CYFIP1: variants seen among roughly 807,000 people sequenced by gnomAD.
CYFIP1 encodes cytoplasmic FMR1 interacting protein 1.
Under a neutral mutation model 163.5 loss-of-function variants are expected in CYFIP1, and 58 were observed. The ratio of observed to expected loss-of-function variants is 0.35; its 90% CI spans 0.29 to 0.44. The LOEUF (loss-of-function observed/expected upper bound fraction) is 0.44. CYFIP1 is among the 20% of genes least tolerant of loss of function. The probability of loss-of-function intolerance (pLI) is 1.00; values close to 1 mark genes in which losing one functional copy is unlikely to be tolerated. For missense variants in CYFIP1, 1,338 were observed against 1,653.8 expected, an observed-to-expected ratio of 0.81 and a Z score of 3.31; for synonymous variants, 663 against 660.7, an observed-to-expected ratio of 1.00 and a Z score of -0.05.
chr15:22,970,423 T>G (rs1204619365), intron 1 of CYFIP1, among the ~76,000 whole-genome samples: 2 of 152,208 alleles, frequency 1.3e-5, no homozygotes, highest in Non-Finnish European at 2.9e-5. Flanking sequence ...CAGCACTTTG[T>G]TTTTGCAAAA....
At chr15:22,952,426 C>A (rs546765212) in intron 1 of CYFIP1, among the ~76,000 whole-genome samples, 1 of 151,986 alleles carries the variant, frequency 6.6e-6, no homozygotes, top group Admixed American at 6.6e-5. Flanking sequence ...GAGGCCGAGG[C>A]GGGCGAATCA....
intron 18 of CYFIP1, among the ~76,000 whole-genome samples, chr15:22,911,204 G>A (rs1314369012): frequency 6.6e-6 from 1 of 152,168 alleles, no homozygotes; most frequent in East Asian, 2.0e-4. Flanking sequence ...AAAGAAACTA[G>A]CAATAATCTT....
chr15:22,913,600 A>G (rs1480828991), intron 17 of CYFIP1, among the ~76,000 whole-genome samples: 1 of 129,236 alleles, frequency 7.7e-6, no homozygotes, highest in Non-Finnish European at 1.6e-5. Flanking sequence ...GTACATAGAC[A>G]GCATTAAAAA....
At chr15:22,958,097 CTT>C (rs57822590) in intron 1 of CYFIP1, among the ~76,000 whole-genome samples, 31 of 141,250 alleles carry the variant, frequency 2.2e-4, no homozygotes, top group Admixed American at 2.9e-4. Context: ...AAGTAATTTG[CTT>C]TTTTTTTTTT....
chr15:22,952,904 G>A (rs1387571905), intron 1 of CYFIP1, among the ~76,000 whole-genome samples: 3 of 152,148 alleles, frequency 2.0e-5, no homozygotes, highest in Non-Finnish European at 4.4e-5. Flanking sequence ...AGCACCGTGC[G>A]GAGTGCTGGC....
At chr15:22,968,089 T>C (rs550779725) in intron 1 of CYFIP1, among the ~76,000 whole-genome samples, 2 of 152,134 alleles carry the variant, frequency 1.3e-5, no homozygotes, top group Admixed American at 6.5e-5. Flanking sequence ...TGAGCCAAGA[T>C]AGCGCCACTG....
At position 22,901,128 on chromosome 15, in the gene CYFIP1, G is replaced by A. The variant is rs188849613; in HGVS notation, c.2588+2578C>T. 3.2e-3 allele frequency among the ~76,000 whole-genome samples: 490 copies of A among 151,698 alleles called. 8 individuals are homozygous for A. Among genetic ancestry groups the A allele is most frequent in the African/African-American group, 9.9e-3 (408 of 41,338 alleles). On this transcript the variant is annotated intron_variant, in intron 22 of 30. Transcript: ENST00000617928. ...TGAGGCAGGAGAATCGCTTGAACTC[G>A]GAAGGCAGAGGCTGCAATGAGCCAA... is the stretch of plus-strand genomic sequence containing the variant.
chr15:22,932,736 G>C (rs577167263), intron 10 of CYFIP1, among the ~76,000 whole-genome samples: 1 of 152,306 alleles, frequency 6.6e-6, no homozygotes, highest in African/African-American at 2.4e-5. Context: ...GAACTGTGCT[G>C]AGGATCTTTA....
chr15:22,921,553 C>T (rs1017401038), intron 13 of CYFIP1, among the ~76,000 whole-genome samples: 7 of 151,608 alleles, frequency 4.6e-5, no homozygotes, highest in Non-Finnish European at 7.4e-5. Context: ...CAGTAGCTCA[C>T]GCCTGTAATC....
In CYFIP1 at chr15:22,914,421, TTC is replaced by T. The variant is rs2060899614; in HGVS notation, c.1985+303_1985+304del. ...AAAGCTTTACCCCAGGAAACATGAT[TTC>T]TCTTTTTTTTTTTTTTATTTGGAGA... On this transcript the variant is annotated intron_variant, in intron 17 of 30. Coordinates refer to ENST00000617928, the MANE Select transcript of CYFIP1 (RefSeq NM_014608.6). Among the ~76,000 whole-genome samples, 6 of 150,392 alleles carry T rather than the reference TTC, an allele frequency of 4.0e-5. No individual in the cohort carries two copies. In the South Asian group the frequency reaches 6.4e-4, roughly 16 times the overall value.
rs762184515 is a variant in CYFIP1 at position 22,892,902 on chromosome 15, C to A, written c.2664G>T (p.Leu888=). The A allele has an allele frequency of 6.2e-7, 1 of 1,612,152 alleles. No individual in the cohort carries two copies. Among genetic ancestry groups the A allele is most frequent in the Admixed American group, 1.7e-5 (1 of 59,996 alleles). The change falls in exon 23 of 31, where the codon CTG becomes CTT. Residue 888 remains leucine, a synonymous_variant. Transcript: ENST00000617928. Reference sequence around the variant, plus strand: ...CATTGGAGCCTACCTTGGATCCATGCAGATACTGAGGCTGTGCATTAGGCT... The same window carrying A: ...CATTGGAGCCTACCTTGGATCCATGAAGATACTGAGGCTGTGCATTAGGCT... The part of the protein sequence containing the change: ...DKQPNAQPQY[L]HGSKALNLAY...
At chr15:22,959,443 G>A (rs568313239) in intron 1 of CYFIP1, among the ~76,000 whole-genome samples, 11 of 152,324 alleles carry the variant, frequency 7.2e-5, no homozygotes, top group African/African-American at 2.6e-4. Flanking sequence ...CACAGATGCC[G>A]ACACTGAGCC....
chr15:22,962,590 G>GT (rs2062723539), intron 1 of CYFIP1, among the ~76,000 whole-genome samples: 1 of 150,946 alleles, frequency 6.6e-6, no homozygotes, highest in Non-Finnish European at 1.5e-5. Flanking sequence ...TTTTAGTAGA[G>GT]ACAGGATTTC....
At chr15:22,952,554 C>T (rs1485794847) in intron 1 of CYFIP1, among the ~76,000 whole-genome samples, 2 of 148,578 alleles carry the variant, frequency 1.3e-5, no homozygotes, top group African/African-American at 2.5e-5. Flanking sequence ...ACTCAGGAGG[C>T]TGAGGCAGGA....
intron 18 of CYFIP1, 83 bp downstream of exon 18, chr15:22,912,079 TCTTATATTTTAAAGAAA>T: frequency 9.0e-7 from 1 of 1,111,124 alleles, no homozygotes. Flanking sequence ...GTTTATACTG[TCTTATATTTTAAAGAAA>T]GTTGAATACT....
intron 1 of CYFIP1, among the ~76,000 whole-genome samples, chr15:22,977,487 G>C (rs1225126990): frequency 5.9e-5 from 9 of 152,120 alleles, no homozygotes; most frequent in African/African-American, 2.2e-4. Flanking sequence ...AATTTTAATA[G>C]GAAAAACAAT....
At chr15:22,951,399 T>C in intron 1 of CYFIP1, 1 of 1,288,512 alleles carries the variant, frequency 7.8e-7, no homozygotes, top group Non-Finnish European at 1.0e-6. Context: ...GGGTGCAGGG[T>C]CCAGCCCCAG....
chr15:22,872,904 C>T lies in CYFIP1; in HGVS notation c.3518G>A (p.Arg1173His), dbSNP rs776202386. ...MIIVLLGQQR[R>H]FAVLDFCYHL... is the part of the protein sequence containing the mutation. ...GTAGCAGAAATCCAGCACAGCAAAACGCCGCTGCTGCCCAAGAAGTACGAT... is the reference window on the plus strand; with the variant it reads ...GTAGCAGAAATCCAGCACAGCAAAATGCCGCTGCTGCCCAAGAAGTACGAT... The change falls in exon 30 of 31, where the codon CGT becomes CAT. Residue 1173 changes from arginine (R) to histidine (H), a missense_variant. By Grantham distance (29) the Arg-to-His change is conservative (BLOSUM62 0). Transcript: ENST00000617928. 3.7e-6 allele frequency: 6 copies of T among 1,614,100 alleles called. No homozygotes were observed. Among genetic ancestry groups the T allele is most frequent in the Middle Eastern group, 1.6e-4 (1 of 6,062 alleles).
chr15:22,964,274 C>CCACACACACACACACA, intron 1 of CYFIP1, among the ~76,000 whole-genome samples: 1 of 97,178 alleles, frequency 1.0e-5, no homozygotes, highest in Admixed American at 1.2e-4. Flanking sequence ...CTCCTCCTCA[C>CCACACACACACACACA]CACACACACA....
Sources: allele counts gnomAD v4.1 joint callset (sites outside exome capture counted in the v4.1 genomes callset), GRCh38; gene constraint gnomAD v4.1.1; transcripts MANE v1.5; gene names NCBI Gene and HGNC (gene_info 2026-07-23, HGNC 2026-07-21).